Variants in SERPINE2 observed in about 807,000 individuals in gnomAD.
SERPINE2 encodes the protein glia-derived nexin.
A neutral mutation model predicts 36.3 loss-of-function variants in SERPINE2; 14 were observed. That is an observed-to-expected ratio of 0.39 (90% CI 0.25 to 0.60). The LOEUF (loss-of-function observed/expected upper bound fraction) is 0.60. Among genes scored for constraint, SERPINE2 ranks in the 20% least tolerant of loss-of-function variants. The pLI, the probability that SERPINE2 is intolerant of heterozygous loss-of-function variation, is 0.57. For missense variants in SERPINE2, 418 were observed against 499.6 expected, an observed-to-expected ratio of 0.84 and a Z score of 1.56; for synonymous variants, 192 against 191.8, an observed-to-expected ratio of 1.00 and a Z score of -0.01.
rs534675870 is a variant in SERPINE2, at chr2:223,985,618, C to A, written c.686-668G>T. 3.9e-5 allele frequency among the ~76,000 whole-genome samples: 6 copies of A among 152,286 alleles called. No individual in the cohort carries two copies. The East Asian group carries it at 1.2e-3, about 29-fold the overall frequency. On this transcript the variant is annotated intron_variant, in intron 4 of 8. Coordinates refer to ENST00000409304, the MANE Select transcript of SERPINE2 (RefSeq NM_001136528.2). Reference sequence around the variant, plus strand: ...TGCCAGGCCCATATCAACCCTTCAACAGGCTGAGGATCTACAGCACCTCAC... The same window carrying A: ...TGCCAGGCCCATATCAACCCTTCAAAAGGCTGAGGATCTACAGCACCTCAC...
At chr2:224,025,598 T>A (rs1692156095) in intron 1 of SERPINE2, among the ~76,000 whole-genome samples, 1 of 152,224 alleles carries the variant, frequency 6.6e-6, no homozygotes, top group Admixed American at 6.5e-5. Flanking sequence ...CATGTCCACC[T>A]TCCATGAAGC....
At chr2:224,008,893 T>C (rs887627544) in intron 1 of SERPINE2, among the ~76,000 whole-genome samples, 3 of 152,150 alleles carry the variant, frequency 2.0e-5, no homozygotes, top group South Asian at 2.1e-4. Flanking sequence ...CACCGATGGC[T>C]CAAACATCAC....
chr2:224,017,699 C>T (rs529717609), intron 1 of SERPINE2, among the ~76,000 whole-genome samples: 3 of 152,246 alleles, frequency 2.0e-5, no homozygotes, highest in Admixed American at 6.5e-5. Flanking sequence ...ATCTGAAAAT[C>T]GGTGTAATAG....
intron 1 of SERPINE2, among the ~76,000 whole-genome samples, chr2:224,011,534 T>C (rs1323861687): frequency 6.6e-6 from 1 of 152,248 alleles, no homozygotes; most frequent in Non-Finnish European, 1.5e-5. Context: ...ATGATTTCTC[T>C]GATCCTTTAG....
intron 1 of SERPINE2, among the ~76,000 whole-genome samples, chr2:224,009,805 T>C (rs1468977195): frequency 6.6e-6 from 1 of 152,168 alleles, no homozygotes. Flanking sequence ...AGACCAAACA[T>C]TTCTCATCAG....
chr2:224,031,461 T>C (rs148835926), intron 1 of SERPINE2: 13 of 985,506 alleles, frequency 1.3e-5, no homozygotes, highest in Non-Finnish European at 1.4e-5. Context: ...CCACTCCCTT[T>C]CCTCCTAACC....
At chr2:223,985,300 CTTT>C (rs35920706) in intron 4 of SERPINE2, among the ~76,000 whole-genome samples, 9,835 of 145,760 alleles carry the variant, frequency 0.067, 654 homozygotes, top group African/African-American at 0.18. Flanking sequence ...AGAATCATTC[CTTT>C]TTTTTTTTTT....
At chr2:224,017,224 G>C (rs1232555936) in intron 1 of SERPINE2, among the ~76,000 whole-genome samples, 1 of 151,546 alleles carries the variant, frequency 6.6e-6, no homozygotes, top group Non-Finnish European at 1.5e-5. Context: ...TGCCTTTGCA[G>C]GAAACCAGGT....
At chr2:224,016,506 C>CA (rs34770432) in intron 1 of SERPINE2, among the ~76,000 whole-genome samples, 17 of 139,604 alleles carry the variant, frequency 1.2e-4, no homozygotes, top group South Asian at 4.6e-4. Context: ...AAGTCCGTCT[C>CA]AAAAAAAAAA....
At position 223,991,919 on chromosome 2, in the gene SERPINE2, T is replaced by C. The variant is rs931038233; in HGVS notation, c.569A>G (p.Lys190Arg). The change falls in exon 4 of 9, where the codon AAG becomes AGG. Residue 190 changes from lysine (K) to arginine (R), a missense_variant. By Grantham distance (26) the Lys-to-Arg change is conservative (BLOSUM62 2). Transcript: ENST00000409304. ...RLVLVNAVYFKGLWKSRFQPE... is the reference protein window; with the variant it reads ...RLVLVNAVYFRGLWKSRFQPE... ...TTGGAACCGTGATTTCCACAGACCC[T>C]TGAAATACACTGCGTTGACGAGGAC... The C allele has an allele frequency of 6.2e-7, 1 of 1,612,998 alleles. No individual in the cohort carries two copies. The highest frequency in any genetic ancestry group is 8.5e-7 in the Non-Finnish European group (1 of 1,179,568).
chr2:223,994,713 T>C (rs974561161), intron 3 of SERPINE2, among the ~76,000 whole-genome samples: 1 of 152,374 alleles, frequency 6.6e-6, no homozygotes, highest in East Asian at 1.9e-4. Context: ...TGGTGAGGTC[T>C]GAGATGGACA....
intron 1 of SERPINE2, among the ~76,000 whole-genome samples, chr2:224,035,879 A>G (rs1000077032): frequency 1.3e-5 from 2 of 152,142 alleles, no homozygotes; most frequent in African/African-American, 2.4e-5. Context: ...GTGGAATTTC[A>G]CAGCATGAAG....
intron 1 of SERPINE2, among the ~76,000 whole-genome samples, chr2:224,035,380 TTTTG>T (rs1200069657): frequency 7.5e-5 from 2 of 26,818 alleles, no homozygotes; most frequent in Non-Finnish European, 2.0e-4. Flanking sequence ...GTTTTTTTTG[TTTTG>T]TTTTTGTTTT....
intron 3 of SERPINE2, among the ~76,000 whole-genome samples, chr2:223,995,940 T>A (rs1690871496): frequency 1.3e-5 from 2 of 152,252 alleles, no homozygotes. Context: ...TTCTTTTGTT[T>A]TCCTTTGTAT....
intron 3 of SERPINE2, among the ~76,000 whole-genome samples, chr2:223,997,345 C>T (rs931069337): frequency 2.0e-5 from 3 of 152,244 alleles, no homozygotes; most frequent in African/African-American, 7.2e-5. Flanking sequence ...CTCAGCCTCC[C>T]AAGTAGCTGG....
At chr2:223,997,548 T>TA (rs1690938558) in intron 3 of SERPINE2, among the ~76,000 whole-genome samples, 1 of 152,178 alleles carries the variant, frequency 6.6e-6, no homozygotes, top group African/African-American at 2.4e-5. Flanking sequence ...ACACCAACGT[T>TA]AGACTCTCCT....
At chr2:224,021,336 G>T (rs1691991978) in intron 1 of SERPINE2, among the ~76,000 whole-genome samples, 1 of 152,142 alleles carries the variant, frequency 6.6e-6, no homozygotes, top group South Asian at 2.1e-4. Context: ...AGCTTGAGAG[G>T]TTGCACAAAC....
intron 4 of SERPINE2, among the ~76,000 whole-genome samples, chr2:223,986,977 T>C (rs1443313314): frequency 6.6e-6 from 1 of 152,150 alleles, no homozygotes; most frequent in Non-Finnish European, 1.5e-5. Flanking sequence ...ACACCTTTTC[T>C]GTCTTTCTAC....
chr2:223,984,710 G>A (rs759863801), intron 5 of SERPINE2, 42 bp downstream of exon 5: 4 of 1,581,586 alleles, frequency 2.5e-6, no homozygotes, highest in Non-Finnish European at 3.5e-6. Context: ...CCTGCTGATT[G>A]AATAATGCCA....
Sources: gnomAD v4.1 joint callset for allele counts (sites outside exome capture counted in the v4.1 genomes callset) on GRCh38, gnomAD v4.1.1 for gene constraint, MANE v1.5 for transcripts, NCBI Gene and HGNC (gene_info 2026-07-23, HGNC 2026-07-21) for gene names.